Variants in INTS7 observed in about 807,000 individuals in gnomAD.
The protein encoded by INTS7 is integrator complex subunit 7.
INTS7 carries 46 observed loss-of-function variants against 109.2 expected under a neutral mutation model. The observed-to-expected ratio is 0.42, with a 90% confidence interval of 0.33 to 0.54. INTS7 has a LOEUF of 0.54. INTS7 is among the 20% of genes least tolerant of loss of function. The pLI is 0.07. For missense variants in INTS7, 929 were observed against 1,132.4 expected (o/e 0.82, Z 2.58); for synonymous variants, 412 against 402.9 (o/e 1.02, Z -0.27).
intron 5 of INTS7, among the ~76,000 whole-genome samples, chr1:212,009,746 G>T (rs909474936): frequency 1.3e-5 from 2 of 152,084 alleles, no homozygotes; most frequent in African/African-American, 4.8e-5. Context: ...CTGAGATCTT[G>T]TCTGATGCAG....
intron 11 of INTS7, 103 bp downstream of exon 11, chr1:211,978,169 G>T: frequency 7.5e-7 from 1 of 1,329,838 alleles, no homozygotes; most frequent in Non-Finnish European, 1.1e-6. Context: ...CCTATTGTTT[G>T]TTCTGTTTTT....
At chr1:212,023,242 G>A (rs761811366) in intron 1 of INTS7, among the ~76,000 whole-genome samples, 2 of 152,292 alleles carry the variant, frequency 1.3e-5, no homozygotes, top group African/African-American at 2.4e-5. Context: ...TGGGCAGAAT[G>A]ATTTATTTTC....
intron 12 of INTS7, among the ~76,000 whole-genome samples, chr1:211,975,678 T>C (rs1230128846): frequency 6.6e-6 from 1 of 152,188 alleles, no homozygotes; most frequent in African/African-American, 2.4e-5. Flanking sequence ...GAAGTATAAA[T>C]ACTTTTTTAT....
intron 15 of INTS7, among the ~76,000 whole-genome samples, chr1:211,967,625 C>T (rs1299639695): frequency 2.6e-5 from 4 of 152,090 alleles, no homozygotes; most frequent in African/African-American, 7.2e-5. Flanking sequence ...GTAAGCAACA[C>T]TGGCTTTGGA....
chr1:212,006,760 A>G lies in INTS7; in HGVS notation c.758T>C (p.Ile253Thr), dbSNP rs752995281. The part of the protein sequence containing the change: ...ASSLVDTPKQ[I>T]QLLLQYLKND... ...CTTCAAATACTGCAACAGAAGCTGA[A>G]TCTATAAAGGAAATAAGTCACTCCA... The change falls in exon 7 of 20, where the codon ATT (isoleucine) becomes ACT (threonine). Residue 253 changes from isoleucine (I) to threonine (T), a missense_variant and splice_region_variant. Physicochemically the swap from Ile to Thr is moderately conservative, Grantham distance 89. Around this residue, in one of 2 missense-constraint regions of INTS7, gnomAD observed 787 missense variants for 901.1 expected, o/e 0.87. Coordinates refer to ENST00000366994, the MANE Select transcript of INTS7 (RefSeq NM_015434.4). 1 of 1,601,168 alleles carries G rather than the reference A, an allele frequency of 6.2e-7. No homozygotes were observed. Among genetic ancestry groups the G allele is most frequent in the Non-Finnish European group, 8.5e-7 (1 of 1,172,194 alleles).
intron 16 of INTS7, among the ~76,000 whole-genome samples, chr1:211,957,186 A>G (rs1324468852): frequency 6.6e-6 from 1 of 152,132 alleles, no homozygotes; most frequent in East Asian, 1.9e-4. Flanking sequence ...GCATCTTTTC[A>G]TGTGCCTACT....
chr1:212,014,976 C>A (rs1666345353), intron 4 of INTS7, among the ~76,000 whole-genome samples: 1 of 149,650 alleles, frequency 6.7e-6, no homozygotes, highest in Non-Finnish European at 1.5e-5. Context: ...AAGTGAGGAG[C>A]GTCTCTAACC....
chr1:211,969,551 C>CTTTTTTTT (rs36104773), intron 13 of INTS7, among the ~76,000 whole-genome samples: 3 of 85,018 alleles, frequency 3.5e-5, no homozygotes, highest in Admixed American at 1.4e-4. Flanking sequence ...TTTTTCTTTT[C>CTTTTTTTT]TTTTTTTTTT....
chr1:212,031,393 A>T (rs1371884982), intron 1 of INTS7, among the ~76,000 whole-genome samples: 3 of 152,106 alleles, frequency 2.0e-5, no homozygotes, highest in African/African-American at 7.3e-5. Context: ...TATAGTAATG[A>T]TCATATCATG....
At chr1:212,001,130 G>A (rs1363200709) in intron 7 of INTS7, among the ~76,000 whole-genome samples, 14 of 146,100 alleles carry the variant, frequency 9.6e-5, no homozygotes, top group South Asian at 2.1e-4. Flanking sequence ...GCAATGGCGC[G>A]ATCTAGGCTC....
chr1:212,020,099 A>T, intron 3 of INTS7, 23 bp downstream of exon 3: 5 of 1,446,194 alleles, frequency 3.5e-6, no homozygotes, highest in Non-Finnish European at 4.6e-6. Context: ...TCTCATAGTG[A>T]ATTATTATAA....
chr1:212,026,929 T>C (rs748830220), intron 1 of INTS7, among the ~76,000 whole-genome samples: 26 of 152,378 alleles, frequency 1.7e-4, no homozygotes, highest in Non-Finnish European at 3.2e-4. Context: ...TTGATTTGTT[T>C]AAACATGCTG....
chr1:212,009,784 ATAAGTGATGCT>A (rs1395311408), intron 5 of INTS7, among the ~76,000 whole-genome samples: 39 of 152,332 alleles, frequency 2.6e-4, no homozygotes, highest in African/African-American at 8.9e-4. Flanking sequence ...TGCTCAATGA[ATAAGTGATGCT>A]TCCTTCTAAT....
chr1:212,032,633 C>T (rs535608090), intron 1 of INTS7, among the ~76,000 whole-genome samples: 24 of 152,152 alleles, frequency 1.6e-4, no homozygotes, highest in African/African-American at 3.9e-4. Flanking sequence ...CCCACCACCA[C>T]GCCTGGCTAA....
Position 212,016,937 on chromosome 1 carries a change from A to G in INTS7, c.458T>C (p.Val153Ala). 1 of 1,608,068 alleles carries G rather than the reference A, an allele frequency of 6.2e-7. No homozygotes were observed. Among genetic ancestry groups the G allele is most frequent in the Non-Finnish European group, 8.5e-7 (1 of 1,177,536 alleles). ...AGCAAAAACAGCAGCTTCAACTTCTACATTATCATGTGAATCTAAACTCTG... is the reference window on the plus strand; with the variant it reads ...AGCAAAAACAGCAGCTTCAACTTCTGCATTATCATGTGAATCTAAACTCTG... ...IRQSLDSHDN[V>A]EVEAAVFAAA... is the part of the protein sequence containing the mutation. The change falls in exon 4 of 20, where the codon GTA becomes GCA. Residue 153 changes from valine (V) to alanine (A), a missense_variant. By Grantham distance (64) the Val-to-Ala change is moderately conservative. This residue lies in a region of INTS7 where 142 missense variants were observed against 231.4 expected (regional missense o/e 0.61). Coordinates refer to ENST00000366994, the MANE Select transcript of INTS7 (RefSeq NM_015434.4).
intron 19 of INTS7, among the ~76,000 whole-genome samples, chr1:211,944,365 C>A (rs1225728368): frequency 6.6e-6 from 1 of 152,120 alleles, no homozygotes; most frequent in East Asian, 1.9e-4. Context: ...GGAAGGTAAG[C>A]ACTTGCTCTT....
chr1:211,991,763 A>T (rs1333018755), intron 7 of INTS7, among the ~76,000 whole-genome samples: 1 of 152,228 alleles, frequency 6.6e-6, no homozygotes, highest in Non-Finnish European at 1.5e-5. Flanking sequence ...AGGCCATAAG[A>T]ATGACAGAAT....
rs542187784 is a variant in INTS7, at chr1:212,013,801, G to C, written c.510-2380C>G. 9.2e-5 allele frequency among the ~76,000 whole-genome samples: 14 copies of C among 152,320 alleles called. No homozygotes were observed. The South Asian group carries it at 2.9e-3, about 32-fold the overall frequency. ...CAGAAACATGCTGTACAGGTTTACA[G>C]CCTGGGGCAACAGGCTATACCATAT... On this transcript the variant is annotated intron_variant, in intron 4 of 19. Coordinates refer to ENST00000366994, the MANE Select transcript of INTS7 (RefSeq NM_015434.4).
intron 7 of INTS7, among the ~76,000 whole-genome samples, chr1:212,003,490 CCA>C (rs143069764): frequency 0.032 from 4,940 of 152,060 alleles, 263 homozygotes; most frequent in African/African-American, 0.11. Flanking sequence ...GGGTTTACCA[CCA>C]CAGACTCTCA....
Sources: gnomAD v4.1 joint callset for allele counts (sites outside exome capture counted in the v4.1 genomes callset) on GRCh38, gnomAD v4.1.1 for gene constraint, gnomAD v4.1.1 regional missense constraint, MANE v1.5 for transcripts, NCBI Gene and HGNC (gene_info 2026-07-23, HGNC 2026-07-21) for gene names.